COL25A1: variants seen among roughly 807,000 people sequenced by gnomAD.
COL25A1 encodes collagen alpha-1(XXV) chain.
A neutral mutation model predicts 128.4 loss-of-function variants in COL25A1; 103 were observed. The ratio of observed to expected loss-of-function variants is 0.80; its 90% confidence interval spans 0.68 to 0.94. COL25A1 has a LOEUF of 0.94. COL25A1 is among the 40% of genes least tolerant of loss of function. The pLI, the probability that COL25A1 is intolerant of heterozygous loss-of-function variation, is 0.00. For missense variants in COL25A1, 745 were observed against 840.0 expected, an observed-to-expected ratio of 0.89 and a Z score of 1.40; for synonymous variants, 279 against 277.2, an observed-to-expected ratio of 1.01 and a Z score of -0.06.
chr4:108,939,543 C>A (rs1251887909), intron 10 of COL25A1, among the ~76,000 whole-genome samples: 1 of 151,994 alleles, frequency 6.6e-6, no homozygotes, highest in Non-Finnish European at 1.5e-5. Flanking sequence ...TATACCAAAA[C>A]ATTAATGAGT....
At position 109,048,165 on chromosome 4, in the gene COL25A1, T is replaced by C; in HGVS notation, c.420+3A>G. The C allele has an allele frequency of 6.2e-7, 1 of 1,612,778 alleles. No homozygotes were observed. The highest frequency in any genetic ancestry group is 1.1e-5 in the South Asian group (1 of 91,018). Reference sequence around the variant, plus strand: ...CAAGCCAAAGTGCAGCAAACATACTTACAGGAGGACCTATGGGGGGAGCAG... The same window carrying C: ...CAAGCCAAAGTGCAGCAAACATACTCACAGGAGGACCTATGGGGGGAGCAG... On this transcript the variant is annotated splice_donor_region_variant and intron_variant, in intron 5 of 37. Coordinates refer to ENST00000399132, the MANE Select transcript of COL25A1 (RefSeq NM_198721.4).
At chr4:109,105,847 A>T (rs1024976598) in intron 3 of COL25A1, among the ~76,000 whole-genome samples, 4 of 152,220 alleles carry the variant, frequency 2.6e-5, no homozygotes, top group African/African-American at 9.6e-5. Flanking sequence ...TTTCCTTTTA[A>T]ATACACTTCT....
At chr4:109,246,457 G>C (rs1193754472) in intron 3 of COL25A1, among the ~76,000 whole-genome samples, 1 of 152,048 alleles carries the variant, frequency 6.6e-6, no homozygotes, top group Non-Finnish European at 1.5e-5. Context: ...ATTGATGAGT[G>C]AGTACTCCAC....
chr4:108,844,769 C>A (rs1304598213), intron 29 of COL25A1, among the ~76,000 whole-genome samples, 200 bp from the exon 30 acceptor site: 1 of 151,938 alleles, frequency 6.6e-6, no homozygotes, highest in African/African-American at 2.4e-5. Context: ...AAAAAGTTCT[C>A]CAAAAGCCAG....
At chr4:109,158,547 A>G (rs1772248340) in intron 3 of COL25A1, among the ~76,000 whole-genome samples, 1 of 152,230 alleles carries the variant, frequency 6.6e-6, no homozygotes, top group Non-Finnish European at 1.5e-5. Flanking sequence ...ACAATATTCT[A>G]GGAGCAAATC....
At chr4:109,035,990 T>C (rs1759315058) in intron 5 of COL25A1, among the ~76,000 whole-genome samples, 1 of 152,060 alleles carries the variant, frequency 6.6e-6, no homozygotes, top group Non-Finnish European at 1.5e-5. Flanking sequence ...TGCAGTGGCG[T>C]GATCTCGGCT....
At position 108,896,662 on chromosome 4, in the gene COL25A1, T is replaced by A. The variant is rs749261897; in HGVS notation, c.906+5A>T. ...TGTACCCTTTCATGTCTTACAAAAC[T>A]GTACCTTTTCGCCTGTGTCACCCTT... On this transcript the variant is annotated splice_donor_5th_base_variant and intron_variant, in intron 16 of 37. Coordinates refer to ENST00000399132, the MANE Select transcript of COL25A1 (RefSeq NM_198721.4). The A allele has an allele frequency of 1.3e-5, 21 of 1,613,700 alleles. No homozygotes were observed. The South Asian group carries it at 2.0e-4, about 15-fold the overall frequency.
chr4:108,910,275 A>G (rs182010010), intron 13 of COL25A1, among the ~76,000 whole-genome samples: 14 of 152,310 alleles, frequency 9.2e-5, no homozygotes, highest in African/African-American at 3.4e-4. Context: ...TTAAATGTTT[A>G]TGTCCACGTG....
intron 3 of COL25A1, among the ~76,000 whole-genome samples, chr4:109,070,699 A>T: frequency 1.2e-5 from 1 of 84,364 alleles, no homozygotes; most frequent in Non-Finnish European, 2.1e-5. Context: ...CCCCCACCCC[A>T]CAACAGGCCC....
At chr4:109,225,474 G>A (rs972412050) in intron 3 of COL25A1, among the ~76,000 whole-genome samples, 7 of 152,194 alleles carry the variant, frequency 4.6e-5, no homozygotes, top group South Asian at 2.1e-4. Context: ...ACGAGGATGC[G>A]GAGAAAACGG....
At chr4:108,998,044 A>G (rs940837855) in intron 6 of COL25A1, among the ~76,000 whole-genome samples, 2 of 152,216 alleles carry the variant, frequency 1.3e-5, no homozygotes, top group Non-Finnish European at 2.9e-5. Context: ...AACTGGAAGC[A>G]TTCCCTTTGA....
At chr4:108,851,755 A>T (rs28692658) in intron 26 of COL25A1, among the ~76,000 whole-genome samples, 7,100 of 152,254 alleles carry the variant, frequency 0.047, 550 homozygotes, top group African/African-American at 0.16. Context: ...AAAGTATATA[A>T]TAAAGAATGC....
At position 108,920,580 on chromosome 4, in the gene COL25A1, T is replaced by C; in HGVS notation, c.733A>G (p.Lys245Glu). 6.2e-7 allele frequency: 1 copy of C among 1,603,778 alleles called. No individual in the cohort carries two copies. Among genetic ancestry groups the C allele is most frequent in the Non-Finnish European group, 8.5e-7 (1 of 1,172,726 alleles). Reference sequence around the variant, plus strand: ...CAATATTGTTGTTTATACTCTACCTTTTGTCCCGGAGGCCCTAGAGGACCC... The same window carrying C: ...CAATATTGTTGTTTATACTCTACCTCTTGTCCCGGAGGCCCTAGAGGACCC... ...LMGPLGPPGQKGSIGAPGIPG... is the reference protein window; with the variant it reads ...LMGPLGPPGQEGSIGAPGIPG... The change falls in exon 12 of 38, where the codon AAG becomes GAG. Residue 245 changes from lysine (K) to glutamate (E), a missense_variant and splice_region_variant. Coordinates refer to ENST00000399132, the MANE Select transcript of COL25A1 (RefSeq NM_198721.4).
intron 31 of COL25A1, 25 bp from the exon 32 acceptor site, chr4:108,832,458 T>A: frequency 6.6e-7 from 1 of 1,503,928 alleles, no homozygotes. Context: ...ATATGAGATA[T>A]ATCACAAGGG....
chr4:108,923,527 G>A (rs368842699), intron 11 of COL25A1, among the ~76,000 whole-genome samples: 1 of 151,926 alleles, frequency 6.6e-6, no homozygotes, highest in Admixed American at 6.6e-5. Context: ...TTAATGTTTT[G>A]TAGAGACAAG....
intron 16 of COL25A1, 51 bp from the exon 17 acceptor site, chr4:108,889,784 C>T: frequency 6.5e-7 from 1 of 1,531,690 alleles, no homozygotes; most frequent in Non-Finnish European, 9.0e-7. Context: ...GAATAGGAAA[C>T]ATCACAAGCA....
intron 8 of COL25A1, among the ~76,000 whole-genome samples, chr4:108,972,967 A>C (rs1752065142): frequency 6.6e-6 from 1 of 152,178 alleles, no homozygotes; most frequent in Admixed American, 6.5e-5. Context: ...CCTTTTTGAA[A>C]ATGAGGACTG....
intron 3 of COL25A1, among the ~76,000 whole-genome samples, chr4:109,205,325 C>T (rs1239267986): frequency 1.3e-5 from 2 of 152,206 alleles, no homozygotes; most frequent in South Asian, 2.1e-4. Flanking sequence ...GTAATCAGCC[C>T]TTCACATTTT....
intron 19 of COL25A1, among the ~76,000 whole-genome samples, chr4:108,882,618 T>C (rs1308102476): frequency 1.3e-5 from 2 of 152,186 alleles, no homozygotes; most frequent in African/African-American, 4.8e-5. Context: ...TGCCATAATT[T>C]AACTCTATAA....
Sources: allele counts gnomAD v4.1 joint callset (sites outside exome capture counted in the v4.1 genomes callset), GRCh38; gene constraint gnomAD v4.1.1; transcripts MANE v1.5; gene names NCBI Gene and HGNC (gene_info 2026-07-23, HGNC 2026-07-21).